The following STIM1 variants were observed in gnomAD, a reference collection of about 807,000 sequenced individuals.
STIM1 encodes the protein stromal interaction molecule 1.
In STIM1, 25 loss-of-function variants were observed where a neutral mutation model predicts 74.7. The observed-to-expected ratio is 0.33, with a 90% CI of 0.24 to 0.47. The LOEUF (loss-of-function observed/expected upper bound fraction) is 0.47. Among genes scored for constraint, STIM1 ranks in the 20% least tolerant of loss-of-function variants. The pLI is 1.00. For synonymous variants in STIM1, 328 were observed against 348.8 expected (o/e 0.94, Z 0.66); for missense variants, 728 against 920.8 (o/e 0.79, Z 2.71).
At chr11:3,915,923 G>C (rs551085359) in intron 1 of STIM1, among the ~76,000 whole-genome samples, 1 of 152,030 alleles carries the variant, frequency 6.6e-6, no homozygotes, top group Non-Finnish European at 1.5e-5. Context: ...GCCAGGTTTC[G>C]TGCTGCATGC....
chr11:3,994,553 G>T (rs1481428718), intron 2 of STIM1, among the ~76,000 whole-genome samples: 6 of 150,034 alleles, frequency 4.0e-5, no homozygotes, highest in Non-Finnish European at 5.9e-5. Context: ...CTGACTCCTG[G>T]GTTCAAGCGA....
intron 1 of STIM1, chr11:3,868,132 G>A (rs749489164): frequency 4.6e-5 from 7 of 152,204 alleles, no homozygotes. Flanking sequence ...GTGTCTGTGT[G>A]TGTATTTGTT....
Position 3,865,821 on chromosome 11 carries a change from G to T in STIM1, c.139+9412G>T, listed in dbSNP as rs2090833941. ...CTCGTGGCCACCTGGAAAGTGCCAA[G>T]GGGAGGTTCTCTGGGCATTGAGAAT... On this transcript the variant is annotated intron_variant, in intron 1 of 12. Coordinates refer to ENST00000526596, the MANE Select transcript of STIM1 (RefSeq NM_001382567.1). 3.9e-5 allele frequency among the ~76,000 whole-genome samples: 6 copies of T among 152,322 alleles called. No individual in the cohort carries two copies. The South Asian group carries it at 1.2e-3, about 32-fold the overall frequency.
chr11:3,860,049 C>G (rs1289380428), intron 1 of STIM1, among the ~76,000 whole-genome samples: 1 of 152,198 alleles, frequency 6.6e-6, no homozygotes, highest in Non-Finnish European at 1.5e-5. Context: ...CATGTTCCTT[C>G]CCTCATGGAA....
At chr11:4,049,966 C>T (rs2094226641) in intron 3 of STIM1, among the ~76,000 whole-genome samples, 1 of 152,130 alleles carries the variant, frequency 6.6e-6, no homozygotes, top group Non-Finnish European at 1.5e-5. Context: ...GTACTTAGAA[C>T]AATACTCTCA....
chr11:3,862,059 C>G (rs893399732), intron 1 of STIM1, among the ~76,000 whole-genome samples: 4 of 152,026 alleles, frequency 2.6e-5, no homozygotes, highest in African/African-American at 9.7e-5. Context: ...AAAAAAGAGA[C>G]CAAACTGGGC....
chr11:4,028,529 C>G (rs953218072), intron 3 of STIM1, among the ~76,000 whole-genome samples: 4 of 151,876 alleles, frequency 2.6e-5, no homozygotes, highest in South Asian at 2.1e-4. Context: ...CTGCGTCAGC[C>G]TCCCGAGTAG....
intron 2 of STIM1, among the ~76,000 whole-genome samples, chr11:3,983,989 C>G (rs773879535): frequency 6.6e-6 from 1 of 152,026 alleles, no homozygotes. Flanking sequence ...GCCTCAGCCT[C>G]GCGAGTAGCT....
At chr11:3,891,460 T>C (rs1414394784) in intron 1 of STIM1, among the ~76,000 whole-genome samples, 2 of 152,170 alleles carry the variant, frequency 1.3e-5, no homozygotes, top group Non-Finnish European at 2.9e-5. Context: ...ATCCGGCTAA[T>C]TTTTAGTGGA....
chr11:3,947,470 C>A (rs2093092290), intron 1 of STIM1: 1 of 152,192 alleles, frequency 6.6e-6, no homozygotes, highest in African/African-American at 2.4e-5. Context: ...GGGAGGCTTT[C>A]TGGCTCTGAT....
At chr11:4,010,378 C>T (rs1290130069) in intron 2 of STIM1, among the ~76,000 whole-genome samples, 1 of 151,862 alleles carries the variant, frequency 6.6e-6, no homozygotes, top group East Asian at 1.9e-4. Flanking sequence ...ACAGTGTTGG[C>T]CTGGCTGGTC....
chr11:4,091,566 C>T lies in STIM1; in HGVS notation c.1919C>T (p.Pro640Leu). 6.2e-7 allele frequency: 1 copy of T among 1,614,196 alleles called. No homozygotes were observed. The highest frequency in any genetic ancestry group is 8.5e-7 in the Non-Finnish European group (1 of 1,180,040). Residue 640 changes from proline (P) to leucine (L), a missense_variant, in exon 13 of 13, where the codon CCA becomes CTA. Physicochemically the swap from Pro to Leu is moderately conservative, Grantham distance 98. Around this residue, in one of 5 missense-constraint regions of STIM1, gnomAD observed 352 missense variants for 370.1 expected, o/e 0.95. Transcript: ENST00000526596. ...CCCTCAGCCCCACCTGGTGGCTCTC[C>T]ACATTTGGATTCTTCCCGTTCTCAC... ...LSPSAPPGGS[P>L]HLDSSRSHSP...
chr11:4,067,140 G>C (rs2094372473), intron 5 of STIM1, among the ~76,000 whole-genome samples: 1 of 152,188 alleles, frequency 6.6e-6, no homozygotes. Flanking sequence ...GATCTCGTTA[G>C]TAACCACACA....
intron 6 of STIM1, among the ~76,000 whole-genome samples, chr11:4,070,736 A>G (rs192826152): frequency 1.5e-3 from 230 of 152,298 alleles, no homozygotes; most frequent in Non-Finnish European, 2.6e-3. Context: ...GAGAATGCTA[A>G]ACTCTCCTAG....
At chr11:4,065,372 T>A (rs1289372183) in intron 5 of STIM1, among the ~76,000 whole-genome samples, 2 of 152,182 alleles carry the variant, frequency 1.3e-5, no homozygotes, top group African/African-American at 4.8e-5. Flanking sequence ...ATGGTCCAAT[T>A]TGCCCTTCAA....
At chr11:3,989,495 T>A in intron 2 of STIM1, 1 of 618,168 alleles carries the variant, frequency 1.6e-6, no homozygotes, top group Admixed American at 2.2e-5. Context: ...GCGGGATGTC[T>A]GTGAGCCGCG....
chr11:3,924,138 T>C (rs2092756100), intron 1 of STIM1, among the ~76,000 whole-genome samples: 1 of 137,362 alleles, frequency 7.3e-6, no homozygotes, highest in Non-Finnish European at 1.5e-5. Context: ...TTTAAAATTA[T>C]TTTTTTTTTT....
intron 3 of STIM1, among the ~76,000 whole-genome samples, chr11:4,041,467 A>T (rs1294222326): frequency 1.3e-5 from 2 of 152,252 alleles, no homozygotes; most frequent in East Asian, 1.9e-4. Context: ...CATTTTTATG[A>T]TGTGAAAACT....
intron 1 of STIM1, among the ~76,000 whole-genome samples, chr11:3,857,618 C>T (rs1035254997): frequency 1.3e-5 from 2 of 151,668 alleles, no homozygotes; most frequent in Non-Finnish European, 2.9e-5. Flanking sequence ...CTGTGATCTG[C>T]CCAAAGCTGT....
Sources: allele counts gnomAD v4.1 joint callset (sites outside exome capture counted in the v4.1 genomes callset), GRCh38; gene constraint gnomAD v4.1.1; regional missense constraint gnomAD v4.1.1; transcripts MANE v1.5; gene names NCBI Gene and HGNC (gene_info 2026-07-23, HGNC 2026-07-21).